The following ADAMTS17 variants were observed in gnomAD, a reference collection of about 807,000 sequenced individuals.
The protein encoded by ADAMTS17 is A disintegrin and metalloproteinase with thrombospondin motifs 17.
In ADAMTS17, 113 loss-of-function variants were observed where a neutral mutation model predicts 141.5. That is an observed-to-expected ratio of 0.80 (90% CI 0.69 to 0.93). The LOEUF is 0.93. ADAMTS17 is among the 40% of genes least tolerant of loss of function. ADAMTS17 has a pLI of 0.00. For missense variants in ADAMTS17, 1,659 were observed against 1,517.9 expected (o/e 1.09, Z -1.54); for synonymous variants, 768 against 630.6 (o/e 1.22, Z -3.27).
Position 100,198,782 on chromosome 15 carries a change from G to A in ADAMTS17, c.1181+536C>T, listed in dbSNP as rs577280260. 4.6e-5 allele frequency among the ~76,000 whole-genome samples: 7 copies of A among 152,240 alleles called. No individual in the cohort carries two copies. In the South Asian group the frequency reaches 1.0e-3, roughly 23 times the overall value. On this transcript the variant is annotated intron_variant, in intron 8 of 21. Transcript: ENST00000268070. Reference sequence around the variant, plus strand: ...ATCTGAACAACCAGGAGGTTGCCTCGGACTCTCCTTAAGGCAAGCTCTAAG... The same window carrying A: ...ATCTGAACAACCAGGAGGTTGCCTCAGACTCTCCTTAAGGCAAGCTCTAAG...
At chr15:100,037,621 T>G (rs111777077) in intron 18 of ADAMTS17, among the ~76,000 whole-genome samples, 6,990 of 151,528 alleles carry the variant, frequency 0.046, 330 homozygotes, top group African/African-American at 0.12. Context: ...GTTGCCCAGG[T>G]TGGTCTTGAA....
chr15:100,182,113 C>A (rs982970992), intron 8 of ADAMTS17, among the ~76,000 whole-genome samples: 2 of 152,288 alleles, frequency 1.3e-5, no homozygotes, highest in East Asian at 3.9e-4. Context: ...CAAAGAAATA[C>A]CCGAGTCTGG....
chr15:100,152,821 CT>C, intron 9 of ADAMTS17, 59 bp from the exon 10 acceptor site: 2 of 1,515,866 alleles, frequency 1.3e-6, no homozygotes, highest in South Asian at 2.4e-5. Flanking sequence ...TTTTTGTTTT[CT>C]TTTTCTTTTT....
intron 3 of ADAMTS17, 24 bp downstream of exon 3, chr15:100,330,865 G>T (rs768924198): frequency 6.2e-7 from 1 of 1,613,592 alleles, no homozygotes; most frequent in Non-Finnish European, 8.5e-7. Flanking sequence ...GTTCTAAGCT[G>T]GTCATGCTGC....
rs144338937 is a variant in ADAMTS17, at chr15:100,335,545, G to A, written c.451-4491C>T. Among the ~76,000 whole-genome samples the A allele has an allele frequency of 3.2e-3, 484 of 152,318 alleles. 9 individuals carry two copies. The highest frequency in any genetic ancestry group is 0.011 in the African/African-American group (461 of 41,572). On this transcript the variant is annotated intron_variant, in intron 2 of 21. Coordinates refer to ENST00000268070, the MANE Select transcript of ADAMTS17 (RefSeq NM_139057.4). ...TGCATTGTCTTTCTCTCTGAGCCTT[G>A]CTGGGCGCCTACCAGAGCATCCTGC...
chr15:100,266,163 C>T (rs2043709190), intron 4 of ADAMTS17, among the ~76,000 whole-genome samples: 1 of 152,158 alleles, frequency 6.6e-6, no homozygotes, highest in South Asian at 2.1e-4. Flanking sequence ...GTTAAACTGC[C>T]CCATTTTCCA....
At chr15:100,219,682 T>C (rs1169103137) in intron 7 of ADAMTS17, among the ~76,000 whole-genome samples, 2 of 152,146 alleles carry the variant, frequency 1.3e-5, no homozygotes, top group Non-Finnish European at 2.9e-5. Context: ...GGAGAATCTA[T>C]GGCAACTTCA....
At chr15:100,267,441 G>T (rs74471235) in intron 4 of ADAMTS17, among the ~76,000 whole-genome samples, 1 of 152,104 alleles carries the variant, frequency 6.6e-6, no homozygotes, top group Non-Finnish European at 1.5e-5. Flanking sequence ...CTGTGAACAC[G>T]GGTGTACAGA....
chr15:100,051,742 C>T lies in ADAMTS17; in HGVS notation c.2296-11G>A, dbSNP rs775578186. On this transcript the variant is annotated splice_polypyrimidine_tract_variant and intron_variant, in intron 16 of 21. Transcript: ENST00000268070. The stretch of plus-strand genomic sequence containing the variant: ...GTGAAATAACAACACCTGGATCAGC[C>T]GCAAAACAAAAGGCCATTTTGAAAA... 46 of 1,613,966 alleles carry T rather than the reference C, an allele frequency of 2.9e-5. No individual in the cohort carries two copies. The highest frequency in any genetic ancestry group is 4.5e-5 in the East Asian group (2 of 44,898).
At chr15:100,233,055 G>A (rs917105230) in intron 7 of ADAMTS17, among the ~76,000 whole-genome samples, 4 of 152,176 alleles carry the variant, frequency 2.6e-5, no homozygotes, top group African/African-American at 4.8e-5. Context: ...GAGGCCAGGC[G>A]CGGTGGCTCA....
At chr15:100,059,153 C>G (rs2032904824) in intron 15 of ADAMTS17, among the ~76,000 whole-genome samples, 1 of 152,222 alleles carries the variant, frequency 6.6e-6, no homozygotes, top group African/African-American at 2.4e-5. Context: ...TTTGGAGGTC[C>G]TGGTCTGGAG....
intron 2 of ADAMTS17, among the ~76,000 whole-genome samples, chr15:100,336,088 G>A (rs967606740): frequency 2.6e-5 from 4 of 152,228 alleles, no homozygotes; most frequent in African/African-American, 4.8e-5. Flanking sequence ...TCACTTCATC[G>A]TCCCATCTTT....
At chr15:100,154,652 A>T (rs12912546) in intron 9 of ADAMTS17, among the ~76,000 whole-genome samples, 1 of 151,970 alleles carries the variant, frequency 6.6e-6, no homozygotes, top group Non-Finnish European at 1.5e-5. Flanking sequence ...ATCAGATGGC[A>T]GATTCTTCCA....
intron 8 of ADAMTS17, among the ~76,000 whole-genome samples, chr15:100,182,485 C>A (rs1353416396): frequency 6.6e-6 from 1 of 152,120 alleles, no homozygotes; most frequent in Non-Finnish European, 1.5e-5. Flanking sequence ...TTGTGCTATC[C>A]CTCCGCCAAG....
chr15:99,976,525 A>T (rs766605753), intron 20 of ADAMTS17: 73 of 558,048 alleles, frequency 1.3e-4, no homozygotes, highest in Non-Finnish European at 2.2e-4. Context: ...CTGATAGAAG[A>T]CTGTTTCAAG....
rs532896895 is a variant in ADAMTS17, at chr15:100,109,698, C to T, written c.1889-582G>A. Among the ~76,000 whole-genome samples the T allele has an allele frequency of 5.9e-5, 9 of 152,214 alleles. No individual in the cohort carries two copies. In the East Asian group the frequency reaches 1.5e-3, roughly 26 times the overall value. ...CGCCGCTAGGACAACTTATAAGAGC[C>T]GCATGTGCACCCAGGCAGGATGGAA... On this transcript the variant is annotated intron_variant, in intron 13 of 21. Coordinates refer to ENST00000268070, the MANE Select transcript of ADAMTS17 (RefSeq NM_139057.4).
At chr15:100,155,105 C>A in intron 9 of ADAMTS17, 75 bp downstream of exon 9, 1 of 1,607,338 alleles carries the variant, frequency 6.2e-7, no homozygotes, top group Non-Finnish European at 8.5e-7. Flanking sequence ...TTCACACTTG[C>A]TGAGACTCCA....
intron 10 of ADAMTS17, among the ~76,000 whole-genome samples, chr15:100,134,147 G>C (rs144448809): frequency 6.6e-6 from 1 of 152,282 alleles, no homozygotes; most frequent in South Asian, 2.1e-4. Flanking sequence ...GACAGGAGCT[G>C]GTAACTCCCC....
intron 15 of ADAMTS17, among the ~76,000 whole-genome samples, chr15:100,080,869 T>C (rs1201729722): frequency 2.6e-5 from 4 of 152,202 alleles, no homozygotes; most frequent in Non-Finnish European, 5.9e-5. Context: ...AGGATAGCTG[T>C]AGTATGTTAG....
Sources: allele counts gnomAD v4.1 joint callset (sites outside exome capture counted in the v4.1 genomes callset), GRCh38; gene constraint gnomAD v4.1.1; transcripts MANE v1.5; gene names NCBI Gene and HGNC (gene_info 2026-07-23, HGNC 2026-07-21).